The following JCAD variants were observed in gnomAD, a reference collection of about 807,000 sequenced individuals.
The protein encoded by JCAD is junctional cadherin 5 associated, also known as junctional cadherin 5-associated protein.
Under a neutral mutation model 98.0 loss-of-function variants are expected in JCAD, and 40 were observed. The observed-to-expected ratio is 0.41, with a 90% CI of 0.32 to 0.53. The LOEUF is 0.53. Among genes scored for constraint, JCAD ranks in the 20% least tolerant of loss-of-function variants. The pLI, the probability that JCAD is intolerant of heterozygous loss-of-function variation, is 0.31. For missense variants in JCAD, 1,705 were observed against 1,738.1 expected (o/e 0.98, Z 0.34); for synonymous variants, 691 against 682.3 (o/e 1.01, Z -0.20).
At chr10:30,019,192 C>T (rs1351391836) in intron 3 of JCAD, among the ~76,000 whole-genome samples, 2 of 151,694 alleles carry the variant, frequency 1.3e-5, no homozygotes, top group East Asian at 1.9e-4. Flanking sequence ...CCCATCTATA[C>T]TAAAAACACA....
At chr10:30,100,444 C>T (rs571854275) in intron 1 of JCAD, among the ~76,000 whole-genome samples, 6 of 152,162 alleles carry the variant, frequency 3.9e-5, no homozygotes, top group East Asian at 1.9e-4. Context: ...TGCAGTGACG[C>T]GATCTCGGTT....
At position 30,026,843 on chromosome 10, in the gene JCAD, C is replaced by T; in HGVS notation, c.3305G>A (p.Gly1102Asp). 6.2e-7 allele frequency: 1 copy of T among 1,613,972 alleles called. No individual in the cohort carries two copies. Among genetic ancestry groups the T allele is most frequent in the South Asian group, 1.1e-5 (1 of 91,090 alleles). ...CTGGTTCTGTCCCGCTCTCCGGATG[C>T]CCGGCAGGAGGGACTCCACCGCCAC... ...IEVAVESLLP[G>D]IRRAGQNQPA... Residue 1102 changes from glycine (G) to aspartate (D), a missense_variant, in exon 3 of 4, where the codon GGC becomes GAC. Around this residue, in one of 3 missense-constraint regions of JCAD, gnomAD observed 1,278 missense variants for 1,243.1 expected, o/e 1.03. Coordinates refer to ENST00000375377, the MANE Select transcript of JCAD (RefSeq NM_020848.4).
chr10:30,057,148 G>A lies in JCAD; in HGVS notation c.-60+2334C>T, dbSNP rs541367378. Among the ~76,000 whole-genome samples the A allele has an allele frequency of 2.6e-5, 4 of 152,110 alleles. No homozygotes were observed. In the East Asian group the frequency reaches 7.7e-4, roughly 29 times the overall value. On this transcript the variant is annotated intron_variant, in intron 1 of 3. Coordinates refer to ENST00000375377, the MANE Select transcript of JCAD (RefSeq NM_020848.4). The stretch of plus-strand genomic sequence containing the variant: ...AATAGAACAATTGTTTCACTCCAAC[G>A]CTCTGTGTTCTAAACGCTCTCCAGA...
chr10:30,025,880 G>C, intron 3 of JCAD: 2 of 582,322 alleles, frequency 3.4e-6, no homozygotes, highest in Non-Finnish European at 6.0e-6. Flanking sequence ...GACAGAGTGA[G>C]ATACTATCTC....
rs1444284519 is a variant in JCAD, at chr10:30,092,050, AAAAAAAAAAAAAAAATATAT to A, written n.129-22249_129-22230del. Among the ~76,000 whole-genome samples, 31 of 30,588 alleles carry A rather than the reference AAAAAAAAAAAAAAAATATAT, an allele frequency of 1.0e-3. 1 individual carries two copies. The highest frequency in any genetic ancestry group is 4.2e-3 in the African/African-American group (29 of 6,960). 20.1% of individuals were successfully genotyped at this position (30,588 alleles called of 152,430 possible). A position where few individuals can be genotyped will look rare whatever the true frequency, so the allele number is the denominator to read the frequency against. On this transcript the variant is annotated intron_variant and non_coding_transcript_variant, in intron 1 of 2. Transcript: ENST00000465712. Reference sequence around the variant, plus strand: ...CCCCCACCACAAAAAAAAAAAAAAAAAAAAAAAAAAAAAAATATATATATATATATATATATATAAAGTTA... The same window carrying A: ...CCCCCACCACAAAAAAAAAAAAAAAAATATATATATATATATATAAAGTTA...
At chr10:30,052,164 T>C (rs1193433972) in intron 1 of JCAD, among the ~76,000 whole-genome samples, 1 of 152,182 alleles carries the variant, frequency 6.6e-6, no homozygotes, top group African/African-American at 2.4e-5. Flanking sequence ...TCCACTGACA[T>C]TGGGCATGGG....
chr10:30,046,496 A>G (rs1402752226), intron 2 of JCAD, among the ~76,000 whole-genome samples: 1 of 152,214 alleles, frequency 6.6e-6, no homozygotes, highest in Non-Finnish European at 1.5e-5. Flanking sequence ...TTTGTTTTAC[A>G]AACGGAGGGG....
rs1404471181 is a variant in JCAD, at chr10:30,016,105, G to A, written c.*1778C>T. 1 of 152,196 alleles carries A rather than the reference G, an allele frequency of 6.6e-6. No homozygotes were observed. Among genetic ancestry groups the A allele is most frequent in the Non-Finnish European group, 1.5e-5 (1 of 68,040 alleles). The allele number at this position is 152,196 out of a possible 1,614,324, so 9.4% of individuals were successfully genotyped here. On this transcript the variant is annotated 3_prime_UTR_variant, in exon 4 of 4. Coordinates refer to ENST00000375377, the MANE Select transcript of JCAD (RefSeq NM_020848.4). ...GGAAAGATTTTTCGGGGCGACTTAG[G>A]TTCTGTTTTGTTTGTTACAGTCCAA...
At chr10:30,019,192 C>A (rs1351391836) in intron 3 of JCAD, among the ~76,000 whole-genome samples, 1 of 151,694 alleles carries the variant, frequency 6.6e-6, no homozygotes, top group Non-Finnish European at 1.5e-5. Context: ...CCCATCTATA[C>A]TAAAAACACA....
At position 30,078,854 on chromosome 10, in the gene JCAD, T is replaced by C. The variant is rs150226235; in HGVS notation, n.129-9033A>G. ...GAGAGAAATGTTGTGGCTGGCGTTC[T>C]CAAGTACACGCCAGTAAAAGAAGGT... On this transcript the variant is annotated intron_variant and non_coding_transcript_variant, in intron 1 of 2. Transcript: ENST00000465712. Among the ~76,000 whole-genome samples, 272 of 152,274 alleles carry C rather than the reference T, an allele frequency of 1.8e-3. 7 individuals carry two copies. In the East Asian group the frequency reaches 0.041, roughly 23 times the overall value.
chr10:30,065,309 A>T (rs1244785232), intron 2 of JCAD, among the ~76,000 whole-genome samples: 1 of 152,164 alleles, frequency 6.6e-6, no homozygotes, highest in African/African-American at 2.4e-5. Flanking sequence ...TGTCCCTATT[A>T]CCCTGGTTTG....
At chr10:30,082,689 TA>T (rs1838105221) in intron 1 of JCAD, among the ~76,000 whole-genome samples, 1 of 151,710 alleles carries the variant, frequency 6.6e-6, no homozygotes, top group African/African-American at 2.4e-5. Flanking sequence ...CCATCTGTAC[TA>T]AAAACACAAA....
chr10:30,093,427 G>T (rs1838317561), intron 1 of JCAD, among the ~76,000 whole-genome samples: 1 of 152,222 alleles, frequency 6.6e-6, no homozygotes, highest in African/African-American at 2.4e-5. Context: ...ATTTGAAACT[G>T]GCATTTCAGT....
intron 1 of JCAD, among the ~76,000 whole-genome samples, chr10:30,056,205 A>G (rs1367325571): frequency 6.6e-6 from 1 of 152,200 alleles, no homozygotes; most frequent in African/African-American, 2.4e-5. Flanking sequence ...CAAGCTCCAC[A>G]TGTAAAGATA....
At chr10:30,090,517 A>G (rs868247258) in intron 1 of JCAD, among the ~76,000 whole-genome samples, 13 of 136,774 alleles carry the variant, frequency 9.5e-5, no homozygotes, top group African/African-American at 1.9e-4. Flanking sequence ...CTCCAGCCTT[A>G]GTGACAGAGT....
intron 1 of JCAD, among the ~76,000 whole-genome samples, chr10:30,082,214 A>G (rs1234426161): frequency 6.6e-6 from 1 of 152,164 alleles, no homozygotes; most frequent in Non-Finnish European, 1.5e-5. Flanking sequence ...TTAGCTGTCA[A>G]ATCCAGCTTC....
chr10:30,023,421 G>A (rs1836709310), intron 3 of JCAD, among the ~76,000 whole-genome samples: 1 of 152,170 alleles, frequency 6.6e-6, no homozygotes, highest in South Asian at 2.1e-4. Context: ...ACAGTAACAG[G>A]CTGTACAGGT....
At chr10:30,031,907 A>G (rs1837008549) in intron 2 of JCAD, among the ~76,000 whole-genome samples, 1 of 150,940 alleles carries the variant, frequency 6.6e-6, no homozygotes, top group Non-Finnish European at 1.5e-5. Context: ...GGCGCCCGCC[A>G]CTACGCCCGG....
At position 30,035,450 on chromosome 10, in the gene JCAD, C is replaced by A. The variant is rs564250613; in HGVS notation, c.282-5584G>T. Among the ~76,000 whole-genome samples the A allele has an allele frequency of 6.2e-4, 94 of 152,324 alleles. 2 individuals carry two copies. The South Asian group carries it at 9.3e-3, about 15-fold the overall frequency. On this transcript the variant is annotated intron_variant, in intron 2 of 3. Coordinates refer to ENST00000375377, the MANE Select transcript of JCAD (RefSeq NM_020848.4). ...TATAAACCATTTAATTAATAAACAT[C>A]TATTTTGTACCTAGCAAGGGCTGGG...
Sources: gnomAD v4.1 joint callset for allele counts (sites outside exome capture counted in the v4.1 genomes callset) on GRCh38, gnomAD v4.1.1 for gene constraint, gnomAD v4.1.1 regional missense constraint, MANE v1.5 for transcripts, NCBI Gene and HGNC (gene_info 2026-07-23, HGNC 2026-07-21) for gene names.